ATOSA: variants seen among roughly 807,000 people sequenced by gnomAD.
ATOSA encodes atos homolog A.
chr15:52,637,254 A>G, the ATOSA span, among the ~76,000 whole-genome samples: 1 of 152,214 alleles, frequency 6.6e-6, no homozygotes, highest in African/African-American at 2.4e-5. Context: ...AAGAGAAAAA[A>G]GAAATCTTCT....
chr15:52,588,372 A>G, the ATOSA span, among the ~76,000 whole-genome samples: 1 of 152,306 alleles, frequency 6.6e-6, no homozygotes, highest in African/African-American at 2.4e-5. Flanking sequence ...AAGTTTCTCA[A>G]TAACCAGGAT....
At chr15:52,619,422 C>T in the ATOSA span, among the ~76,000 whole-genome samples, 2 of 152,086 alleles carry the variant, frequency 1.3e-5, no homozygotes, top group African/African-American at 4.8e-5. Context: ...ACGTAGCTCA[C>T]ACTAGAAATA....
the ATOSA span, among the ~76,000 whole-genome samples, chr15:52,631,885 G>C: frequency 2.7e-4 from 41 of 152,230 alleles, no homozygotes; most frequent in African/African-American, 9.9e-4. Flanking sequence ...CTACAGGAAT[G>C]CGCCATCATG....
At chr15:52,679,446 G>C in the ATOSA span, 1 of 152,540 alleles carries the variant, frequency 6.6e-6, no homozygotes, top group East Asian at 1.9e-4. Context: ...TTCCTCCCCG[G>C]CGGCCTCCGC....
the ATOSA span, among the ~76,000 whole-genome samples, chr15:52,666,952 TAA>T: frequency 2.8e-5 from 4 of 141,922 alleles, no homozygotes; most frequent in Non-Finnish European, 4.7e-5. Flanking sequence ...AAAGCCAAGT[TAA>T]AAAAAAAAAA....
chr15:52,607,622 C>G, the ATOSA span, among the ~76,000 whole-genome samples: 3 of 152,084 alleles, frequency 2.0e-5, 1 homozygote, highest in South Asian at 6.2e-4. Context: ...TCCTACCTGT[C>G]CCATATGGTG....
At chr15:52,672,409 G>A in the ATOSA span, among the ~76,000 whole-genome samples, 293 of 151,630 alleles carry the variant, frequency 1.9e-3, no homozygotes, top group Non-Finnish European at 3.4e-3. Flanking sequence ...ACCTATTTGA[G>A]CAAAGATAGA....
the ATOSA span, among the ~76,000 whole-genome samples, chr15:52,618,089 A>G: frequency 6.6e-6 from 1 of 151,652 alleles, no homozygotes; most frequent in Non-Finnish European, 1.5e-5. Flanking sequence ...CCCAGGCTGG[A>G]GCGCAGTGAC....
chr15:52,651,985 T>C, the ATOSA span: 4 of 1,530,394 alleles, frequency 2.6e-6, no homozygotes, highest in South Asian at 4.8e-5. Flanking sequence ...TCCAGATGTC[T>C]GCAGCGGTTA....
chr15:52,675,456 C>G, the ATOSA span, among the ~76,000 whole-genome samples: 3 of 152,170 alleles, frequency 2.0e-5, no homozygotes, highest in Admixed American at 6.5e-5. Context: ...CAATCATGTA[C>G]GATAAGAGGC....
At chr15:52,611,024 C>T in the ATOSA span, 7 of 1,294,106 alleles carry the variant, frequency 5.4e-6, no homozygotes, top group Admixed American at 1.6e-4. Context: ...TATCCACTTA[C>T]ATTTAGAATT....
At chr15:52,698,695 T>C in the ATOSA span, among the ~76,000 whole-genome samples, 1 of 152,212 alleles carries the variant, frequency 6.6e-6, no homozygotes, top group Admixed American at 6.5e-5. Flanking sequence ...GAAGTCAGAA[T>C]AGTGATTAAC....
the ATOSA span, chr15:52,609,019 T>A: frequency 1.2e-6 from 2 of 1,613,258 alleles, no homozygotes; most frequent in Non-Finnish European, 1.7e-6. Flanking sequence ...ATTGCTCATT[T>A]CTTGCTCCTT....
the ATOSA span, among the ~76,000 whole-genome samples, chr15:52,683,808 T>C: frequency 6.6e-6 from 1 of 152,180 alleles, no homozygotes; most frequent in Non-Finnish European, 1.5e-5. Context: ...GTCTCTTAGT[T>C]TCATTTTCCA....
the ATOSA span, among the ~76,000 whole-genome samples, chr15:52,701,222 G>C: frequency 6.6e-6 from 1 of 152,206 alleles, no homozygotes; most frequent in Non-Finnish European, 1.5e-5. Flanking sequence ...CTCATGCCTT[G>C]TAATCCAAGC....
the ATOSA span, among the ~76,000 whole-genome samples, chr15:52,626,186 T>C: frequency 6.6e-6 from 1 of 152,198 alleles, no homozygotes; most frequent in Non-Finnish European, 1.5e-5. Context: ...ACACACTTTA[T>C]CAGTAAGTGG....
the ATOSA span, among the ~76,000 whole-genome samples, chr15:52,675,334 T>C: frequency 6.6e-6 from 1 of 152,170 alleles, no homozygotes; most frequent in African/African-American, 2.4e-5. Flanking sequence ...GGGAGCAGAA[T>C]TGACCAATGC....
At chr15:52,609,417 T>G in the ATOSA span, 1 of 1,613,866 alleles carries the variant, frequency 6.2e-7, no homozygotes, top group Non-Finnish European at 8.5e-7. Flanking sequence ...TATGTGATGC[T>G]GTTGGATCAA....
the ATOSA span, among the ~76,000 whole-genome samples, chr15:52,624,639 T>C: frequency 2.0e-5 from 3 of 152,250 alleles, no homozygotes; most frequent in East Asian, 3.8e-4. Flanking sequence ...TCTATAGTTA[T>C]ATCAACCTAT....
Sources: gnomAD v4.1 joint callset for allele counts (sites outside exome capture counted in the v4.1 genomes callset) on GRCh38, gnomAD v4.1.1 for gene constraint, MANE v1.5 for transcripts, NCBI Gene and HGNC (gene_info 2026-07-23, HGNC 2026-07-21) for gene names.